Variants in PAK6 observed in about 807,000 individuals in gnomAD.
The protein encoded by PAK6 is p21 (RAC1) activated kinase 6, also known as serine/threonine-protein kinase PAK 6.
In PAK6, 33 loss-of-function variants were observed where a neutral mutation model predicts 60.8. That is an observed-to-expected ratio of 0.54 (90% CI 0.41 to 0.73). The LOEUF is 0.73. Ranked by LOEUF, PAK6 falls within the 30% of genes least tolerant of loss-of-function variation. PAK6 has a pLI of 0.00. For missense variants in PAK6, 845 were observed against 904.1 expected, an observed-to-expected ratio of 0.93 and a Z score of 0.84; for synonymous variants, 404 against 378.5, an observed-to-expected ratio of 1.07 and a Z score of -0.78.
intron 4 of PAK6, among the ~76,000 whole-genome samples, 170 bp downstream of exon 4, chr15:40,265,159 A>G (rs1038477355): frequency 6.6e-6 from 1 of 152,212 alleles, no homozygotes; most frequent in Non-Finnish European, 1.5e-5. Flanking sequence ...TGGGTAAGCC[A>G]GGGCGAAGGA....
At chr15:40,266,721 T>C (rs536949199) in intron 5 of PAK6, 2 of 486,220 alleles carry the variant, frequency 4.1e-6, no homozygotes, top group East Asian at 6.6e-5. Flanking sequence ...TTGTTTCCCA[T>C]TTCTGTCAGT....
chr15:40,260,941 T>C (rs1239475496), intron 3 of PAK6, among the ~76,000 whole-genome samples: 1 of 151,400 alleles, frequency 6.6e-6, no homozygotes, highest in Non-Finnish European at 1.5e-5. Flanking sequence ...CAGGCTGGAA[T>C]GCAGTGGCCT....
chr15:40,264,277 G>A (rs1189029662), intron 3 of PAK6, among the ~76,000 whole-genome samples: 1 of 151,150 alleles, frequency 6.6e-6, no homozygotes, highest in African/African-American at 2.4e-5. Context: ...GATTCAATTC[G>A]ATAGTTTTAA....
intron 2 of PAK6, chr15:40,251,118 G>C (rs796311662): frequency 6.6e-6 from 1 of 152,534 alleles, no homozygotes; most frequent in African/African-American, 2.4e-5. Context: ...GAAAGAGAAA[G>C]AATCCGCGTG....
intron 7 of PAK6, 28 bp downstream of exon 7, chr15:40,273,027 A>G (rs760878689): frequency 6.2e-6 from 10 of 1,610,552 alleles, no homozygotes; most frequent in Non-Finnish European, 8.5e-6. Flanking sequence ...CTGGACCCTG[A>G]GTGCAGGCTG....
intron 2 of PAK6, chr15:40,245,718 G>A (rs989108527): frequency 6.6e-6 from 1 of 152,480 alleles, no homozygotes; most frequent in African/African-American, 2.4e-5. Context: ...GAGGTCCAGA[G>A]AAGGAAAGTG....
At chr15:40,264,185 A>T (rs1010562724) in intron 3 of PAK6, among the ~76,000 whole-genome samples, 2 of 152,136 alleles carry the variant, frequency 1.3e-5, no homozygotes, top group Non-Finnish European at 2.9e-5. Context: ...GTATCATATT[A>T]ACAGGTTCAA....
intron 3 of PAK6, among the ~76,000 whole-genome samples, chr15:40,254,917 C>A (rs2038794070): frequency 6.6e-6 from 1 of 152,190 alleles, no homozygotes; most frequent in African/African-American, 2.4e-5. Flanking sequence ...CTCTCCAGCT[C>A]CCTGCTGTCT....
At chr15:40,270,635 T>C (rs1169846690) in intron 5 of PAK6, among the ~76,000 whole-genome samples, 1 of 152,164 alleles carries the variant, frequency 6.6e-6, no homozygotes, top group East Asian at 1.9e-4. Context: ...TCACAGTGGA[T>C]GGTGACAGTC....
rs748442071 is a variant in PAK6, at chr15:40,252,613, C to G, written c.-117-565C>G. 4 of 1,346,484 alleles carry G rather than the reference C, an allele frequency of 3.0e-6. No individual in the cohort carries two copies. The African/African-American group carries it at 5.9e-5, about 20-fold the overall frequency. The allele number at this position is 1,346,484 out of a possible 1,614,324, so 83.4% of individuals were successfully genotyped here. On this transcript the variant is annotated intron_variant, in intron 2 of 10. Transcript: ENST00000560346. ...AAGCGCGGCCCCTCCTCGGCGTTCC[C>G]GCGCCGAGGTCCCTCCCGCGGAGGG...
chr15:40,264,984 A>G (rs753249143), exon 4 of PAK6: 2 of 1,613,014 alleles, frequency 1.2e-6, no homozygotes, highest in Admixed American at 1.7e-5. Context: ...GCTCCAGCCC[A>G]TGAAGGTAAG....
chr15:40,245,419 T>C (rs567459655), intron 2 of PAK6: 1 of 152,338 alleles, frequency 6.6e-6, no homozygotes, highest in East Asian at 1.9e-4. Context: ...GAGGACTGGT[T>C]CTGTGGCTCA....
At chr15:40,252,841 C>T in intron 2 of PAK6, 1 of 1,281,694 alleles carries the variant, frequency 7.8e-7, no homozygotes, top group Non-Finnish European at 1.0e-6. Flanking sequence ...AGCTCCGCGT[C>T]CCTGGAGCGG....
intron 10 of PAK6, among the ~76,000 whole-genome samples, chr15:40,275,047 C>T (rs542353575): frequency 6.6e-6 from 1 of 152,256 alleles, no homozygotes; most frequent in African/African-American, 2.4e-5. Context: ...CACCGCTAAC[C>T]CCAAAATTAG....
At chr15:40,274,079 C>G in intron 9 of PAK6, 63 bp from the exon 10 acceptor site, 1 of 1,595,064 alleles carries the variant, frequency 6.3e-7, no homozygotes. Context: ...CTGCTGCCAC[C>G]AGAACGCAGC....
At chr15:40,261,110 T>C (rs199556657) in intron 3 of PAK6, among the ~76,000 whole-genome samples, 2 of 151,752 alleles carry the variant, frequency 1.3e-5, no homozygotes, top group Non-Finnish European at 2.9e-5. Flanking sequence ...GGATGATCTC[T>C]ATCTCCTGAC....
intron 10 of PAK6, among the ~76,000 whole-genome samples, chr15:40,274,754 T>C (rs1303095174): frequency 3.3e-5 from 5 of 152,198 alleles, no homozygotes; most frequent in Non-Finnish European, 7.3e-5. Context: ...GCCACAGCGT[T>C]CCCCTTAAAG....
intron 7 of PAK6, 71 bp downstream of exon 7, chr15:40,273,070 C>T: frequency 6.4e-7 from 1 of 1,568,252 alleles, no homozygotes; most frequent in Non-Finnish European, 8.7e-7. Context: ...GCAATGTGGT[C>T]TTCTGCCTGT....
chr15:40,265,860 G>C (rs751201488), exon 5 of PAK6: 2 of 1,545,730 alleles, frequency 1.3e-6, no homozygotes, highest in African/African-American at 2.7e-5. Flanking sequence ...GCGGGGCAGC[G>C]CGATGCCTGT....
Sources: allele counts gnomAD v4.1 joint callset (sites outside exome capture counted in the v4.1 genomes callset), GRCh38; gene constraint gnomAD v4.1.1; transcripts MANE v1.5; gene names NCBI Gene and HGNC (gene_info 2026-07-23, HGNC 2026-07-21).